The following MAGI2 variants were observed in gnomAD, a reference collection of about 807,000 sequenced individuals.
MAGI2 encodes membrane associated guanylate kinase, WW and PDZ domain containing 2, also known as membrane-associated guanylate kinase, WW and PDZ domain-containing protein 2.
In MAGI2, 35 loss-of-function variants were observed where a neutral mutation model predicts 133.3. The ratio of observed to expected loss-of-function variants is 0.26; its 90% CI spans 0.20 to 0.35. The LOEUF is 0.35. Ranked by LOEUF, MAGI2 falls within the 10% of genes least tolerant of loss-of-function variation. MAGI2 has a pLI of 1.00. For missense variants in MAGI2, 1,636 were observed against 1,863.4 expected, an observed-to-expected ratio of 0.88 and a Z score of 2.25; for synonymous variants, 729 against 710.6, an observed-to-expected ratio of 1.03 and a Z score of -0.41.
intron 2 of MAGI2, among the ~76,000 whole-genome samples, chr7:78,988,201 T>C (rs1416750718): frequency 6.6e-6 from 1 of 152,050 alleles, no homozygotes; most frequent in African/African-American, 2.4e-5. Flanking sequence ...TTTACATCCA[T>C]GTCCAGAACT....
intron 1 of MAGI2, among the ~76,000 whole-genome samples, chr7:79,440,546 C>A (rs1046432590): frequency 2.0e-5 from 3 of 151,976 alleles, no homozygotes; most frequent in Non-Finnish European, 4.4e-5. Context: ...GAAAATACAT[C>A]ATGATGTATT....
At chr7:79,045,866 G>A (rs945943912) in intron 1 of MAGI2, among the ~76,000 whole-genome samples, 1 of 152,132 alleles carries the variant, frequency 6.6e-6, no homozygotes, top group Non-Finnish European at 1.5e-5. Flanking sequence ...TCTTCAGGAC[G>A]ATGCTATAGC....
intron 21 of MAGI2, among the ~76,000 whole-genome samples, chr7:78,061,961 G>A (rs1813322645): frequency 6.6e-6 from 1 of 152,202 alleles, no homozygotes; most frequent in African/African-American, 2.4e-5. Flanking sequence ...AATGCAGTAT[G>A]TCACAGGAAA....
chr7:78,358,518 GC>G, intron 7 of MAGI2: 1 of 155,712 alleles, frequency 6.4e-6, no homozygotes, highest in Non-Finnish European at 1.4e-5. Flanking sequence ...CCATTCCTGG[GC>G]CCCCAGCGCA....
At chr7:78,526,270 A>C (rs1306560125) in intron 3 of MAGI2, among the ~76,000 whole-genome samples, 1 of 152,212 alleles carries the variant, frequency 6.6e-6, no homozygotes, top group African/African-American at 2.4e-5. Context: ...ATCAGTTTCA[A>C]AAGGGAAAGG....
chr7:78,665,684 T>C (rs1813482294), intron 2 of MAGI2, among the ~76,000 whole-genome samples: 1 of 152,134 alleles, frequency 6.6e-6, no homozygotes, highest in Admixed American at 6.6e-5. Context: ...AGAATAGTCA[T>C]ATCAACAAAT....
At chr7:78,717,048 T>G (rs1054729153) in intron 2 of MAGI2, among the ~76,000 whole-genome samples, 1 of 152,054 alleles carries the variant, frequency 6.6e-6, no homozygotes, top group Non-Finnish European at 1.5e-5. Flanking sequence ...TCCTTCCTTA[T>G]CAGCAGCCCA....
At chr7:79,250,373 CAG>C (rs1032448101) in intron 1 of MAGI2, among the ~76,000 whole-genome samples, 5 of 135,016 alleles carry the variant, frequency 3.7e-5, no homozygotes, top group African/African-American at 1.3e-4. Context: ...AGAAAACAAA[CAG>C]AACTAAAAAA....
intron 6 of MAGI2, among the ~76,000 whole-genome samples, chr7:78,488,513 C>G (rs1192665249): frequency 6.7e-6 from 1 of 150,070 alleles, no homozygotes; most frequent in African/African-American, 2.5e-5. Context: ...TAGAACAGGT[C>G]ATGTTAATTT....
At position 78,459,559 on chromosome 7, in the gene MAGI2, T is replaced by C. The variant is rs1233837763; in HGVS notation, c.1045+30202A>G. Among the ~76,000 whole-genome samples the C allele has an allele frequency of 1.1e-4, 16 of 152,320 alleles. No individual in the cohort carries two copies. The East Asian group carries it at 3.1e-3, about 29-fold the overall frequency. On this transcript the variant is annotated intron_variant, in intron 6 of 21. Transcript: ENST00000354212. ...GGGACATATTCCACGAATTTAATAT[T>C]CCTCCATTTTCTTGTTAAATGAGCA...
At chr7:79,175,667 C>T (rs1172242670) in intron 1 of MAGI2, among the ~76,000 whole-genome samples, 1 of 151,988 alleles carries the variant, frequency 6.6e-6, no homozygotes, top group Non-Finnish European at 1.5e-5. Context: ...TACTACATAC[C>T]TAGGCTATGT....
At chr7:78,131,921 T>C (rs1177344703) in intron 18 of MAGI2, among the ~76,000 whole-genome samples, 2 of 152,184 alleles carry the variant, frequency 1.3e-5, no homozygotes, top group Non-Finnish European at 2.9e-5. Flanking sequence ...TCATCCAGGC[T>C]GGAGTGTAAT....
chr7:78,297,007 T>A (rs1584770669), intron 9 of MAGI2, among the ~76,000 whole-genome samples: 1 of 152,312 alleles, frequency 6.6e-6, no homozygotes, highest in Non-Finnish European at 1.5e-5. Flanking sequence ...ACTTCCTTAA[T>A]CTCTCTAAGC....
intron 10 of MAGI2, among the ~76,000 whole-genome samples, chr7:78,247,734 T>C (rs1791952114): frequency 6.6e-6 from 1 of 151,972 alleles, no homozygotes; most frequent in African/African-American, 2.4e-5. Context: ...TAGATCTAGA[T>C]CTTTTGAAAT....
chr7:79,368,527 A>G (rs1842863620), intron 1 of MAGI2, among the ~76,000 whole-genome samples: 2 of 152,134 alleles, frequency 1.3e-5, no homozygotes, highest in African/African-American at 4.8e-5. Context: ...TTATCACTGG[A>G]TTTAAAGAGT....
chr7:78,763,469 A>G (rs1824715485), intron 2 of MAGI2, among the ~76,000 whole-genome samples: 1 of 152,184 alleles, frequency 6.6e-6, no homozygotes, highest in Admixed American at 6.5e-5. Context: ...ACCTTAGCAC[A>G]CACTGAGAGA....
intron 10 of MAGI2, among the ~76,000 whole-genome samples, chr7:78,206,554 G>A (rs569688697): frequency 1.6e-4 from 24 of 152,194 alleles, no homozygotes; most frequent in African/African-American, 5.8e-4. Flanking sequence ...GCCTCCCAAA[G>A]TGGTGGAATT....
chr7:78,716,931 C>G (rs1819766751), intron 2 of MAGI2, among the ~76,000 whole-genome samples: 1 of 152,158 alleles, frequency 6.6e-6, no homozygotes, highest in African/African-American at 2.4e-5. Flanking sequence ...TTTGCAGACT[C>G]CCACCTTTTA....
At chr7:79,172,353 C>T (rs544298564) in intron 1 of MAGI2, among the ~76,000 whole-genome samples, 1 of 152,010 alleles carries the variant, frequency 6.6e-6, no homozygotes, top group African/African-American at 2.4e-5. Context: ...ACCTTTGAAC[C>T]CTCAATCAAG....
Sources: gnomAD v4.1 joint callset for allele counts (sites outside exome capture counted in the v4.1 genomes callset) on GRCh38, gnomAD v4.1.1 for gene constraint, MANE v1.5 for transcripts, NCBI Gene and HGNC (gene_info 2026-07-23, HGNC 2026-07-21) for gene names.